Variants in ARHGAP15 observed in about 807,000 individuals in gnomAD.
The protein encoded by ARHGAP15 is Rho GTPase activating protein 15.
In ARHGAP15, 51 loss-of-function variants were observed where a neutral mutation model predicts 63.7. The ratio of observed to expected loss-of-function variants is 0.80; its 90% confidence interval spans 0.64 to 1.01. The LOEUF is 1.01. Among genes scored for constraint, ARHGAP15 ranks in the 50% least tolerant of loss-of-function variants. The probability of loss-of-function intolerance (pLI) is 0.00; values close to 1 mark genes in which losing one functional copy is unlikely to be tolerated. For missense variants in ARHGAP15, 560 were observed against 564.6 expected (o/e 0.99, Z 0.08); for synonymous variants, 191 against 193.8 (o/e 0.99, Z 0.12).
At chr2:143,353,068 T>C (rs551883806) in intron 6 of ARHGAP15, among the ~76,000 whole-genome samples, 16 of 152,282 alleles carry the variant, frequency 1.1e-4, no homozygotes, top group South Asian at 2.1e-4. Flanking sequence ...AAAGAAACTT[T>C]TTTTTTCAGG....
At chr2:143,411,484 T>C (rs1688444591) in intron 6 of ARHGAP15, among the ~76,000 whole-genome samples, 1 of 152,226 alleles carries the variant, frequency 6.6e-6, no homozygotes, top group Admixed American at 6.5e-5. Context: ...AACTTCTCTA[T>C]TATAGTTACC....
intron 10 of ARHGAP15, among the ~76,000 whole-genome samples, chr2:143,538,767 C>T (rs929699185): frequency 2.6e-5 from 4 of 152,194 alleles, no homozygotes; most frequent in Non-Finnish European, 4.4e-5. Flanking sequence ...TGATGTGCTG[C>T]TGGATTCGGT....
intron 8 of ARHGAP15, among the ~76,000 whole-genome samples, chr2:143,481,153 T>C (rs1692061641): frequency 6.6e-6 from 1 of 152,044 alleles, no homozygotes; most frequent in Non-Finnish European, 1.5e-5. Flanking sequence ...AGTGGTAAGA[T>C]GATGGCACTA....
At chr2:143,221,210 GTCT>G (rs1008642696) in intron 4 of ARHGAP15, among the ~76,000 whole-genome samples, 14 of 151,788 alleles carry the variant, frequency 9.2e-5, no homozygotes, top group African/African-American at 2.4e-4. Context: ...ACCTTGTATT[GTCT>G]TCTTATTTTC....
At chr2:143,635,012 C>T (rs1680232494) in intron 12 of ARHGAP15, among the ~76,000 whole-genome samples, 1 of 151,988 alleles carries the variant, frequency 6.6e-6, no homozygotes, top group Non-Finnish European at 1.5e-5. Context: ...AAATTTGTAA[C>T]ACTGTAGATC....
chr2:143,532,103 G>C (rs1694546352), intron 10 of ARHGAP15, among the ~76,000 whole-genome samples: 1 of 152,312 alleles, frequency 6.6e-6, no homozygotes, highest in South Asian at 2.1e-4. Flanking sequence ...CCAAGGGATG[G>C]TGTTAACAAA....
At chr2:143,196,778 A>T (rs963676431) in intron 2 of ARHGAP15, among the ~76,000 whole-genome samples, 1 of 151,948 alleles carries the variant, frequency 6.6e-6, no homozygotes, top group Admixed American at 6.6e-5. Context: ...TATTCTGTTT[A>T]GAGGGGGGAC....
chr2:143,342,477 C>T (rs867373441), intron 6 of ARHGAP15, among the ~76,000 whole-genome samples: 2 of 151,972 alleles, frequency 1.3e-5, no homozygotes, highest in African/African-American at 2.4e-5. Flanking sequence ...TCCTGTATGG[C>T]GATAGAGTAA....
intron 6 of ARHGAP15, among the ~76,000 whole-genome samples, chr2:143,407,990 T>C (rs1312038688): frequency 1.1e-4 from 3 of 28,128 alleles, no homozygotes; most frequent in African/African-American, 6.1e-4. Context: ...TGTGTGTGTA[T>C]ATATATATAT....
intron 2 of ARHGAP15, among the ~76,000 whole-genome samples, chr2:143,185,830 A>G (rs976992334): frequency 1.8e-4 from 27 of 152,140 alleles, no homozygotes; most frequent in African/African-American, 6.5e-4. Context: ...AAATTTTCTA[A>G]CCCCCAAATT....
chr2:143,132,603 G>A (rs1360166317), intron 1 of ARHGAP15, among the ~76,000 whole-genome samples: 2 of 152,206 alleles, frequency 1.3e-5, no homozygotes, highest in African/African-American at 4.8e-5. Context: ...CAGACAGCAT[G>A]CGTGACCATG....
chr2:143,166,600 C>G (rs1690545376), intron 2 of ARHGAP15, among the ~76,000 whole-genome samples: 1 of 152,094 alleles, frequency 6.6e-6, no homozygotes, highest in South Asian at 2.1e-4. Context: ...ACCACCACCT[C>G]TTCAAACTAG....
At chr2:143,643,482 C>T (rs1363847118) in intron 12 of ARHGAP15, among the ~76,000 whole-genome samples, 1 of 128,206 alleles carries the variant, frequency 7.8e-6, no homozygotes, top group Non-Finnish European at 1.6e-5. Flanking sequence ...ACTTTAAAGA[C>T]TGGTAGCATC....
chr2:143,435,691 G>C lies in ARHGAP15; in HGVS notation c.565G>C (p.Asp189His), dbSNP rs144541020. 1.9e-4 allele frequency: 299 copies of C among 1,596,804 alleles called. 1 individual carries two copies. The highest frequency in any genetic ancestry group is 2.3e-4 in the Non-Finnish European group (272 of 1,173,998). The change falls in exon 7 of 14, where the codon GAC becomes CAC. Residue 189 changes from aspartate to histidine, a missense_variant. By Grantham distance (81) the Asp-to-His change is moderately conservative. Transcript: ENST00000295095. ...GTTCCACGCTATCAAAAATGCAATT[G>C]ACAGATTGGTATGTATTTGTTTTGG... is the stretch of plus-strand genomic sequence containing the variant. Reference protein sequence around the residue: ...DWFHAIKNAIDRLPKDSSCPS... With the variant: ...DWFHAIKNAIHRLPKDSSCPS...
intron 6 of ARHGAP15, among the ~76,000 whole-genome samples, chr2:143,257,204 C>T (rs1680470823): frequency 6.6e-6 from 1 of 151,988 alleles, no homozygotes; most frequent in South Asian, 2.1e-4. Flanking sequence ...TTCATTGTTT[C>T]ATTACTAGAG....
At chr2:143,248,941 T>C (rs1352332990) in intron 5 of ARHGAP15, among the ~76,000 whole-genome samples, 5 of 152,234 alleles carry the variant, frequency 3.3e-5, no homozygotes, top group African/African-American at 1.2e-4. Flanking sequence ...TTTTGTTACG[T>C]ACTCTTAATG....
At chr2:143,517,991 A>G (rs773257689) in intron 9 of ARHGAP15, among the ~76,000 whole-genome samples, 7 of 152,216 alleles carry the variant, frequency 4.6e-5, no homozygotes, top group Non-Finnish European at 1.0e-4. Flanking sequence ...AGGGACTTTG[A>G]TTTCATTCTG....
At chr2:143,172,843 T>G (rs1213024502) in intron 2 of ARHGAP15, among the ~76,000 whole-genome samples, 2 of 152,092 alleles carry the variant, frequency 1.3e-5, no homozygotes, top group African/African-American at 4.8e-5. Flanking sequence ...AGAATAGATA[T>G]GCCTTGGAGA....
At chr2:143,683,965 T>C (rs1351682230) in intron 12 of ARHGAP15, among the ~76,000 whole-genome samples, 1 of 152,172 alleles carries the variant, frequency 6.6e-6, no homozygotes, top group African/African-American at 2.4e-5. Context: ...ACCAATAATT[T>C]CTGAAGACAA....
Sources: allele counts gnomAD v4.1 joint callset (sites outside exome capture counted in the v4.1 genomes callset), GRCh38; gene constraint gnomAD v4.1.1; transcripts MANE v1.5; gene names NCBI Gene and HGNC (gene_info 2026-07-23, HGNC 2026-07-21).